Variants in SLC9A9 observed in about 807,000 individuals in gnomAD.
The protein encoded by SLC9A9 is solute carrier family 9 member A9.
SLC9A9 carries 62 observed loss-of-function variants against 77.8 expected under a neutral mutation model. That is an observed-to-expected ratio of 0.80 (90% CI 0.65 to 0.98). The LOEUF is 0.98. Ranked by LOEUF, SLC9A9 falls within the 50% of genes least tolerant of loss-of-function variation. SLC9A9 has a pLI of 0.00. For synonymous variants in SLC9A9, 320 were observed against 283.5 expected (o/e 1.13, Z -1.29); for missense variants, 775 against 774.9 (o/e 1.00, Z 0.00).
chr3:143,692,667 C>T (rs954130804), intron 5 of SLC9A9, among the ~76,000 whole-genome samples: 1 of 152,136 alleles, frequency 6.6e-6, no homozygotes, highest in African/African-American at 2.4e-5. Context: ...GATATATTCA[C>T]TGGAGAGAAA....
intron 14 of SLC9A9, among the ~76,000 whole-genome samples, chr3:143,304,614 C>T (rs763265002): frequency 6.6e-5 from 10 of 152,136 alleles, no homozygotes; most frequent in South Asian, 2.1e-4. Context: ...GGCTCATAAA[C>T]GAGACACCCA....
intron 14 of SLC9A9, among the ~76,000 whole-genome samples, chr3:143,360,306 AGTTCCAT>A (rs1235988765): frequency 3.9e-5 from 6 of 152,248 alleles, no homozygotes; most frequent in Non-Finnish European, 8.8e-5. Context: ...CAGTAACATT[AGTTCCAT>A]TTCTCATCTC....
chr3:143,267,268 A>C (rs1211723785), intron 15 of SLC9A9, among the ~76,000 whole-genome samples: 1 of 152,122 alleles, frequency 6.6e-6, no homozygotes, highest in Non-Finnish European at 1.5e-5. Flanking sequence ...CTATGATCTC[A>C]GAATAGGGGA....
intron 12 of SLC9A9, among the ~76,000 whole-genome samples, chr3:143,425,369 CA>C (rs979390334): frequency 3.4e-5 from 5 of 145,864 alleles, no homozygotes; most frequent in African/African-American, 5.1e-5. Context: ...ATCACACTGA[CA>C]AGATGTCTGT....
intron 12 of SLC9A9, among the ~76,000 whole-genome samples, chr3:143,437,758 C>T (rs376964239): frequency 9.2e-5 from 14 of 152,278 alleles, no homozygotes; most frequent in African/African-American, 3.1e-4. Context: ...ACCTTAGTTA[C>T]CCAGGAACAT....
chr3:143,764,282 A>T (rs190035939), intron 4 of SLC9A9, among the ~76,000 whole-genome samples: 1 of 152,254 alleles, frequency 6.6e-6, no homozygotes, highest in African/African-American at 2.4e-5. Flanking sequence ...GCCCCCACCC[A>T]TCTGCTTCTC....
At chr3:143,701,729 G>C (rs1055372361) in intron 4 of SLC9A9, among the ~76,000 whole-genome samples, 16 of 152,146 alleles carry the variant, frequency 1.1e-4, no homozygotes, top group African/African-American at 3.9e-4. Context: ...TAGTGAAAGA[G>C]ATAGAGGTAG....
intron 6 of SLC9A9, among the ~76,000 whole-genome samples, chr3:143,643,102 T>C (rs1463672931): frequency 1.3e-5 from 2 of 152,174 alleles, no homozygotes; most frequent in Non-Finnish European, 1.5e-5. Context: ...ACATTTTTTA[T>C]TGTGAGCTCA....
intron 14 of SLC9A9, among the ~76,000 whole-genome samples, chr3:143,280,599 G>T (rs948280118): frequency 6.8e-6 from 1 of 147,416 alleles, no homozygotes; most frequent in African/African-American, 2.5e-5. Context: ...GCCCAGGCTG[G>T]CGAGTGCAGT....
chr3:143,715,320 C>T (rs186856604), intron 4 of SLC9A9, among the ~76,000 whole-genome samples: 7 of 152,266 alleles, frequency 4.6e-5, no homozygotes, highest in Admixed American at 4.6e-4. Context: ...CTAATAATGA[C>T]TTCATCTCTT....
chr3:143,712,385 T>C (rs1231273981), intron 4 of SLC9A9, among the ~76,000 whole-genome samples: 1 of 152,224 alleles, frequency 6.6e-6, no homozygotes, highest in African/African-American at 2.4e-5. Flanking sequence ...TTAAGTTTAT[T>C]AAGCTATATA....
At chr3:143,848,012 G>T in intron 1 of SLC9A9, 136 bp downstream of exon 1, 1 of 928,222 alleles carries the variant, frequency 1.1e-6, no homozygotes, top group Non-Finnish European at 1.7e-6. Flanking sequence ...TCGTTACGCT[G>T]CAGCACCTTT....
intron 11 of SLC9A9, among the ~76,000 whole-genome samples, chr3:143,491,045 T>G (rs1225511952): frequency 2.6e-5 from 4 of 152,148 alleles, no homozygotes; most frequent in Non-Finnish European, 5.9e-5. Context: ...ATACATAAAA[T>G]AAGTGCACCT....
chr3:143,659,736 C>G (rs2038950914), intron 5 of SLC9A9, among the ~76,000 whole-genome samples: 1 of 152,154 alleles, frequency 6.6e-6, no homozygotes, highest in African/African-American at 2.4e-5. Context: ...AATATGTTGC[C>G]TTGCATGCCA....
chr3:143,762,976 C>T (rs1184388635), intron 4 of SLC9A9, among the ~76,000 whole-genome samples: 2 of 152,156 alleles, frequency 1.3e-5, no homozygotes, highest in Non-Finnish European at 2.9e-5. Flanking sequence ...AACTTCTGGT[C>T]CAGGCTCTGC....
At chr3:143,716,057 G>A (rs1050828875) in intron 4 of SLC9A9, among the ~76,000 whole-genome samples, 2 of 152,164 alleles carry the variant, frequency 1.3e-5, no homozygotes, top group African/African-American at 4.8e-5. Flanking sequence ...AAAGAGAAAT[G>A]GTGCTTTTTC....
At chr3:143,768,145 C>G (rs553910458) in intron 4 of SLC9A9, among the ~76,000 whole-genome samples, 23 of 152,224 alleles carry the variant, frequency 1.5e-4, no homozygotes, top group Admixed American at 3.3e-4. Flanking sequence ...GGCTCACTGA[C>G]TGACTGCCAG....
chr3:143,761,496 G>C (rs568952944), intron 4 of SLC9A9, among the ~76,000 whole-genome samples: 2 of 152,014 alleles, frequency 1.3e-5, no homozygotes, highest in Non-Finnish European at 2.9e-5. Context: ...AAATTTACCA[G>C]AAAAAAACAA....
chr3:143,484,025 A>C (rs1576528108), intron 11 of SLC9A9, among the ~76,000 whole-genome samples: 1 of 152,042 alleles, frequency 6.6e-6, no homozygotes, highest in Non-Finnish European at 1.5e-5. Context: ...ATAAATTCAC[A>C]CTCCTTTTTT....
Sources: allele counts gnomAD v4.1 joint callset (sites outside exome capture counted in the v4.1 genomes callset), GRCh38; gene constraint gnomAD v4.1.1; transcripts MANE v1.5; gene names NCBI Gene and HGNC (gene_info 2026-07-23, HGNC 2026-07-21).